Variants in ERBB4 observed in about 807,000 individuals in gnomAD.
The protein encoded by ERBB4 is erb-b2 receptor tyrosine kinase 4, also known as receptor tyrosine-protein kinase erbB-4.
In ERBB4, 42 loss-of-function variants were observed where a neutral mutation model predicts 158.0. The ratio of observed to expected loss-of-function variants is 0.27; its 90% CI spans 0.21 to 0.34. The LOEUF is 0.34. Ranked by LOEUF, ERBB4 falls within the 10% of genes least tolerant of loss-of-function variation. The probability of loss-of-function intolerance (pLI) is 1.00; values close to 1 mark genes in which losing one functional copy is unlikely to be tolerated. For synonymous variants in ERBB4, 583 were observed against 558.7 expected, an observed-to-expected ratio of 1.04 and a Z score of -0.61; for missense variants, 1,333 against 1,624.1, an observed-to-expected ratio of 0.82 and a Z score of 3.08.
At chr2:212,094,709 G>C (rs1425814310) in intron 2 of ERBB4, among the ~76,000 whole-genome samples, 1 of 152,110 alleles carries the variant, frequency 6.6e-6, no homozygotes, top group Non-Finnish European at 1.5e-5. Flanking sequence ...AGCAGGTGCT[G>C]GTGCCATGCT....
chr2:211,473,792 G>A (rs967935614), intron 20 of ERBB4, among the ~76,000 whole-genome samples: 1 of 152,028 alleles, frequency 6.6e-6, no homozygotes, highest in African/African-American at 2.4e-5. Flanking sequence ...ATGTGGTACA[G>A]TAGAAAATAC....
chr2:211,968,565 T>C (rs2081367782), intron 2 of ERBB4, among the ~76,000 whole-genome samples: 1 of 152,050 alleles, frequency 6.6e-6, no homozygotes. Flanking sequence ...AATCCAATTG[T>C]TGCAGATATA....
chr2:212,131,118 C>A (rs766770503), intron 1 of ERBB4, among the ~76,000 whole-genome samples: 1 of 152,080 alleles, frequency 6.6e-6, no homozygotes. Context: ...GCAGAGATGG[C>A]AAGTTTTGTT....
intron 7 of ERBB4, among the ~76,000 whole-genome samples, chr2:211,719,547 T>C (rs771768265): frequency 1.2e-4 from 19 of 152,140 alleles, no homozygotes; most frequent in Non-Finnish European, 2.5e-4. Context: ...TCACTGCTGC[T>C]AGCATGCTGT....
At chr2:212,036,360 A>G (rs2077011571) in intron 2 of ERBB4, among the ~76,000 whole-genome samples, 1 of 149,630 alleles carries the variant, frequency 6.7e-6, no homozygotes, top group African/African-American at 2.5e-5. Context: ...TCAAGAGTAC[A>G]TTTTTTTTTT....
At chr2:211,417,318 A>T (rs780128776) in intron 25 of ERBB4, among the ~76,000 whole-genome samples, 2 of 134,494 alleles carry the variant, frequency 1.5e-5, no homozygotes, top group Non-Finnish European at 3.2e-5. Flanking sequence ...ACAAAAAAAT[A>T]TAAAAAAAAA....
chr2:212,153,799 T>C (rs2080946817), intron 1 of ERBB4, among the ~76,000 whole-genome samples: 1 of 152,172 alleles, frequency 6.6e-6, no homozygotes, highest in East Asian at 1.9e-4. Flanking sequence ...CATTCTAACA[T>C]CATATAGGAA....
chr2:211,462,744 A>G (rs1205392098), intron 20 of ERBB4, among the ~76,000 whole-genome samples: 1 of 152,178 alleles, frequency 6.6e-6, no homozygotes, highest in Non-Finnish European at 1.5e-5. Flanking sequence ...ATTTTGCAAC[A>G]AACTATTTAA....
intron 3 of ERBB4, among the ~76,000 whole-genome samples, chr2:211,910,075 A>G (rs2079504143): frequency 6.6e-6 from 1 of 151,188 alleles, no homozygotes; most frequent in Admixed American, 6.6e-5. Flanking sequence ...ATGCACCACC[A>G]TGGCCAGCTA....
intron 2 of ERBB4, among the ~76,000 whole-genome samples, chr2:212,098,169 T>C (rs2078984276): frequency 6.6e-6 from 1 of 152,162 alleles, no homozygotes; most frequent in Non-Finnish European, 1.5e-5. Flanking sequence ...AAGCTTAATC[T>C]TCATGGCTCC....
chr2:211,653,140 T>C (rs747902735), intron 16 of ERBB4, among the ~76,000 whole-genome samples: 1 of 152,178 alleles, frequency 6.6e-6, no homozygotes, highest in African/African-American at 2.4e-5. Flanking sequence ...TATAGGATTC[T>C]TGATGGAAAA....
At chr2:212,191,817 A>G (rs993132892) in intron 1 of ERBB4, among the ~76,000 whole-genome samples, 9 of 138,022 alleles carry the variant, frequency 6.5e-5, no homozygotes, top group Non-Finnish European at 1.4e-4. Context: ...AATACATGTT[A>G]TATATGTTCT....
At chr2:211,549,221 A>G (rs2067017688) in intron 20 of ERBB4, among the ~76,000 whole-genome samples, 1 of 152,172 alleles carries the variant, frequency 6.6e-6, no homozygotes, top group African/African-American at 2.4e-5. Context: ...ACCAGCACCC[A>G]GAAAATAAGT....
At chr2:212,471,917 G>A (rs1689135545) in intron 1 of ERBB4, among the ~76,000 whole-genome samples, 1 of 151,800 alleles carries the variant, frequency 6.6e-6, no homozygotes, top group Non-Finnish European at 1.5e-5. Context: ...CCTGTTGTTT[G>A]TCACCTCCTC....
rs76707994 is a variant in ERBB4, at chr2:211,793,597, A to G, written c.422-5438T>C. On this transcript the variant is annotated intron_variant, in intron 3 of 27. Coordinates refer to ENST00000342788, the MANE Select transcript of ERBB4 (RefSeq NM_005235.3). ...GGACATAAAGCAATGTATCTTTCTCACTGTCATCACCTTAAGCCACACAAG... is the reference window on the plus strand; with the variant it reads ...GGACATAAAGCAATGTATCTTTCTCGCTGTCATCACCTTAAGCCACACAAG... Among the ~76,000 whole-genome samples the G allele has an allele frequency of 5.8e-3, 886 of 152,046 alleles. 8 individuals carry two copies. The highest frequency in any genetic ancestry group is 6.1e-3 in the Non-Finnish European group (415 of 67,884).
intron 12 of ERBB4, among the ~76,000 whole-genome samples, chr2:211,686,330 T>C (rs1384130266): frequency 6.6e-6 from 1 of 152,160 alleles, no homozygotes; most frequent in Non-Finnish European, 1.5e-5. Flanking sequence ...GTTAAAATTT[T>C]CAAATGCTTT....
intron 2 of ERBB4, among the ~76,000 whole-genome samples, chr2:212,061,680 C>T (rs1297870261): frequency 6.6e-6 from 1 of 151,314 alleles, no homozygotes; most frequent in Non-Finnish European, 1.5e-5. Flanking sequence ...CAAAATGGGT[C>T]CCAAACACCA....
rs754420079 is a variant in ERBB4 at position 211,420,448 on chromosome 2, G to A, written c.3128C>T (p.Ser1043Leu). The A allele has an allele frequency of 6.2e-6, 10 of 1,607,706 alleles. No homozygotes were observed. Among genetic ancestry groups the A allele is most frequent in the Non-Finnish European group, 7.7e-6 (9 of 1,174,798 alleles). Residue 1043 changes from serine to leucine, a missense_variant, in exon 25 of 28, where the codon TCG (serine) becomes TTG (leucine). This residue lies in a region of ERBB4 where 252 missense variants were observed against 241.3 expected (regional missense o/e 1.04). Coordinates refer to ENST00000342788, the MANE Select transcript of ERBB4 (RefSeq NM_005235.3). ...TATATAATTATTTCTTACCCTATTC[G>A]AGTCAATTCTTGCTCTGGAAGTATA... ...PIYTSRARID[S>L]NRSEIGHSPP... is the part of the protein sequence containing the mutation.
intron 1 of ERBB4, among the ~76,000 whole-genome samples, chr2:212,285,767 AATACCTAGCC>A (rs1396098200): frequency 6.6e-6 from 1 of 152,214 alleles, no homozygotes; most frequent in African/African-American, 2.4e-5. Flanking sequence ...AATTTGCATC[AATACCTAGCC>A]ATACCTACAA....
Sources: gnomAD v4.1 joint callset for allele counts (sites outside exome capture counted in the v4.1 genomes callset) on GRCh38, gnomAD v4.1.1 for gene constraint, gnomAD v4.1.1 regional missense constraint, MANE v1.5 for transcripts, NCBI Gene and HGNC (gene_info 2026-07-23, HGNC 2026-07-21) for gene names.